Variants in ALK observed in about 807,000 individuals in gnomAD.
ALK encodes ALK tyrosine kinase receptor.
A neutral mutation model predicts 163.1 loss-of-function variants in ALK; 74 were observed. That is an observed-to-expected ratio of 0.45 (90% CI 0.38 to 0.55). The LOEUF (loss-of-function observed/expected upper bound fraction) is 0.55, where lower values mean the gene tolerates loss of function less well. Among genes scored for constraint, ALK ranks in the 20% least tolerant of loss-of-function variants. The probability of loss-of-function intolerance (pLI) is 0.00; values close to 1 mark genes in which losing one functional copy is unlikely to be tolerated. For synonymous variants in ALK, 960 were observed against 843.2 expected (o/e 1.14, Z -2.40); for missense variants, 2,063 against 2,105.3 (o/e 0.98, Z 0.39).
chr2:29,561,905 G>T (rs1674034369), intron 3 of ALK, among the ~76,000 whole-genome samples: 1 of 152,038 alleles, frequency 6.6e-6, no homozygotes, highest in South Asian at 2.1e-4. Flanking sequence ...ACTATTCTGG[G>T]GTGGGGTCTA....
chr2:29,247,144 A>ACCCCGGCCTCCGCGGCAGCGCCTTTC (rs1268260025), intron 12 of ALK, among the ~76,000 whole-genome samples: 19 of 148,356 alleles, frequency 1.3e-4, no homozygotes, highest in African/African-American at 4.5e-4. Flanking sequence ...AGCGCCTTTT[A>ACCCCGGCCTCCGCGGCAGCGCCTTTC]CCCCGGCCTC....
chr2:29,876,676 A>ACGG (rs879625087), intron 1 of ALK, among the ~76,000 whole-genome samples: 7,933 of 130,954 alleles, frequency 0.061, 270 homozygotes, highest in East Asian at 0.16. Flanking sequence ...GATGATGGTA[A>ACGG]CGATGGTGAT....
intron 3 of ALK, among the ~76,000 whole-genome samples, chr2:29,615,491 G>A (rs948430793): frequency 1.1e-4 from 17 of 152,128 alleles, no homozygotes; most frequent in Admixed American, 5.2e-4. Context: ...TAGCACTAAC[G>A]CATTTATTCT....
intron 1 of ALK, among the ~76,000 whole-genome samples, chr2:29,872,021 G>A (rs971933650): frequency 6.6e-6 from 1 of 152,116 alleles, no homozygotes; most frequent in Non-Finnish European, 1.5e-5. Flanking sequence ...GTAAGTACGT[G>A]GCTGACATAG....
intron 1 of ALK, among the ~76,000 whole-genome samples, chr2:29,816,504 G>T (rs1664902536): frequency 6.6e-6 from 1 of 152,084 alleles, no homozygotes; most frequent in African/African-American, 2.4e-5. Flanking sequence ...GGGGATGAAG[G>T]ATTCATCAAG....
At chr2:29,328,328 TG>T in intron 6 of ALK, 21 bp downstream of exon 6, 1 of 1,613,942 alleles carries the variant, frequency 6.2e-7, no homozygotes, top group Non-Finnish European at 8.5e-7. Context: ...TCAGGCAGGG[TG>T]GGGCAGCCCC....
chr2:29,211,285 T>C (rs1237840321), intron 24 of ALK, among the ~76,000 whole-genome samples: 3 of 152,142 alleles, frequency 2.0e-5, no homozygotes, highest in South Asian at 2.1e-4. Context: ...ATAACACATA[T>C]GACATCAAAA....
At chr2:29,698,257 G>T (rs6745902) in intron 2 of ALK, among the ~76,000 whole-genome samples, 9,041 of 152,206 alleles carry the variant, frequency 0.059, 396 homozygotes, top group African/African-American at 0.12. Context: ...AGAGCAGACT[G>T]CAAAGAGAAA....
chr2:29,413,546 T>A (rs1246973154), intron 4 of ALK, among the ~76,000 whole-genome samples: 1 of 152,034 alleles, frequency 6.6e-6, no homozygotes, highest in Admixed American at 6.6e-5. Flanking sequence ...TTATTTATTT[T>A]TTTAAGACAG....
intron 3 of ALK, among the ~76,000 whole-genome samples, chr2:29,669,372 G>A (rs1338676333): frequency 6.6e-6 from 1 of 151,908 alleles, no homozygotes; most frequent in African/African-American, 2.4e-5. Flanking sequence ...TCTTTTTACA[G>A]TCTTAGATTT....
At chr2:29,756,424 C>T (rs1417547888) in intron 1 of ALK, among the ~76,000 whole-genome samples, 1 of 152,178 alleles carries the variant, frequency 6.6e-6, no homozygotes, top group Non-Finnish European at 1.5e-5. Context: ...TACCCTGTCT[C>T]AGCATGTAGT....
At position 29,738,766 on chromosome 2, in the gene ALK, C is replaced by T. The variant is rs1458756857; in HGVS notation, c.668-21069G>A. Among the ~76,000 whole-genome samples the T allele has an allele frequency of 5.9e-5, 9 of 152,158 alleles. No individual in the cohort carries two copies. In the East Asian group the frequency reaches 1.2e-3, roughly 20 times the overall value. ...CATGATAGGAACACCATGCCATGAG[C>T]CATTTGCTCTACTTGGTGATTTGAA... On this transcript the variant is annotated intron_variant, in intron 1 of 28. Coordinates refer to ENST00000389048, the MANE Select transcript of ALK (RefSeq NM_004304.5).
chr2:29,199,339 ATTTCC>A (rs1283739407), intron 26 of ALK, among the ~76,000 whole-genome samples: 3 of 151,988 alleles, frequency 2.0e-5, no homozygotes, highest in Non-Finnish European at 4.4e-5. Flanking sequence ...TAATGTCATG[ATTTCC>A]TTTATTTTAT....
At chr2:29,428,635 C>T (rs574385213) in intron 4 of ALK, among the ~76,000 whole-genome samples, 97 of 151,946 alleles carry the variant, frequency 6.4e-4, no homozygotes, top group Non-Finnish European at 1.0e-3. Flanking sequence ...AAAGAAATTA[C>T]CTACAAAGAA....
In ALK at chr2:29,227,169, T is replaced by A. The variant is rs1454779766; in HGVS notation, c.2915-95A>T. On this transcript the variant is annotated intron_variant, in intron 17 of 28. Coordinates refer to ENST00000389048, the MANE Select transcript of ALK (RefSeq NM_004304.5). The surrounding 1 kb of genome is among the most constrained non-coding windows in gnomAD (Gnocchi z 4.4). ...CTCCAGGTGGTCACTGTGGGTGCTCTGGTGGTCCCTGTTCCTAGGTCCCAT... is the reference window on the plus strand; with the variant it reads ...CTCCAGGTGGTCACTGTGGGTGCTCAGGTGGTCCCTGTTCCTAGGTCCCAT... The A allele has an allele frequency of 1.5e-5, 23 of 1,524,530 alleles. No homozygotes were observed. The highest frequency in any genetic ancestry group is 1.1e-4 in the South Asian group (10 of 88,790). The allele number at this position is 1,524,530 out of a possible 1,614,324, so 94.4% of individuals were successfully genotyped here.
At chr2:29,197,426 T>C in intron 27 of ALK, 116 bp downstream of exon 27, 2 of 1,499,576 alleles carry the variant, frequency 1.3e-6, no homozygotes, top group Non-Finnish European at 1.8e-6. Context: ...TGGGGCATAT[T>C]AAAGGGAGGG....
At chr2:29,265,620 T>TA (rs1011688109) in intron 11 of ALK, among the ~76,000 whole-genome samples, 5 of 152,184 alleles carry the variant, frequency 3.3e-5, no homozygotes, top group South Asian at 2.1e-4. Flanking sequence ...AATCACTTAC[T>TA]AAAAAATAAT....
intron 1 of ALK, among the ~76,000 whole-genome samples, chr2:29,896,433 G>A (rs1007942517): frequency 6.6e-6 from 1 of 152,106 alleles, no homozygotes; most frequent in Non-Finnish European, 1.5e-5. Context: ...GGTAATTAAG[G>A]TTAAATGAGG....
intron 1 of ALK, among the ~76,000 whole-genome samples, chr2:29,912,915 TA>T (rs1027109254): frequency 1.3e-5 from 2 of 152,138 alleles, no homozygotes; most frequent in African/African-American, 4.8e-5. Context: ...GAAAACTAAA[TA>T]AAAGATAAGT....
Sources: gnomAD v4.1 joint callset for allele counts (sites outside exome capture counted in the v4.1 genomes callset) on GRCh38, gnomAD v4.1.1 for gene constraint, Gnocchi (gnomAD v3.1) non-coding constraint, MANE v1.5 for transcripts, NCBI Gene and HGNC (gene_info 2026-07-23, HGNC 2026-07-21) for gene names.